The following GULP1 variants were observed in gnomAD, a reference collection of about 807,000 sequenced individuals.
GULP1 encodes the protein GULP PTB domain containing engulfment adaptor 1, also known as PTB domain-containing engulfment adapter protein 1.
A neutral mutation model predicts 40.9 loss-of-function variants in GULP1; 19 were observed. The ratio of observed to expected loss-of-function variants is 0.46; its 90% CI spans 0.32 to 0.68. The LOEUF (loss-of-function observed/expected upper bound fraction) is 0.68. Ranked by LOEUF, GULP1 falls within the 30% of genes least tolerant of loss-of-function variation. GULP1 has a pLI of 0.03. For synonymous variants in GULP1, 119 were observed against 117.6 expected (o/e 1.01, Z -0.08); for missense variants, 312 against 362.2 (o/e 0.86, Z 1.12).
chr2:188,519,765 C>T (rs1259825313), intron 4 of GULP1, among the ~76,000 whole-genome samples: 1 of 152,114 alleles, frequency 6.6e-6, no homozygotes, highest in Non-Finnish European at 1.5e-5. Flanking sequence ...TCAAATCAGA[C>T]TTGCAGGCAA....
At chr2:188,507,396 C>CTTTTTT (rs5837091) in intron 4 of GULP1, among the ~76,000 whole-genome samples, 92 of 103,408 alleles carry the variant, frequency 8.9e-4, no homozygotes, top group South Asian at 9.6e-4. Context: ...CATTTGTTTT[C>CTTTTTT]TTTTTTTTTT....
At chr2:188,572,443 A>G (rs1362398217) in intron 9 of GULP1, among the ~76,000 whole-genome samples, 1 of 152,180 alleles carries the variant, frequency 6.6e-6, no homozygotes, top group Middle Eastern at 3.2e-3. Context: ...TACAACTAAG[A>G]GGTTGAATTT....
Position 188,292,807 on chromosome 2 carries a change from G to C in GULP1, c.-172+641G>C, listed in dbSNP as rs2034068618. 6.6e-6 allele frequency: 1 copy of C among 152,540 alleles called. No homozygotes were observed. Among genetic ancestry groups the C allele is most frequent in the Admixed American group, 6.5e-5 (1 of 15,270 alleles). 9.4% of individuals were successfully genotyped at this position (152,540 alleles called of 1,614,324 possible). ...GCGGCGTCCACATGGTTACCCTTCT[G>C]CTGCGCGGGTCAAGTAGCTTCTTCT... On this transcript the variant is annotated intron_variant, in intron 1 of 11. Transcript: ENST00000409830. The surrounding 1 kb of genome is among the most constrained non-coding windows in gnomAD (Gnocchi z 4.0).
At position 188,320,789 on chromosome 2, in the gene GULP1, T is replaced by C. The variant is rs995123151; in HGVS notation, c.-172+28623T>C. Among the ~76,000 whole-genome samples the C allele has an allele frequency of 8.6e-5, 13 of 150,816 alleles. No homozygotes were observed. In the South Asian group the frequency reaches 2.1e-3, roughly 24 times the overall value. On this transcript the variant is annotated intron_variant, in intron 1 of 11. Transcript: ENST00000409830. The stretch of plus-strand genomic sequence containing the variant: ...AATAACATAAACTAAAATTTTAAGA[T>C]TTTACCTAAAATTTGCAAAACTCAG...
chr2:188,527,851 A>G (rs1220213239), intron 5 of GULP1, among the ~76,000 whole-genome samples: 1 of 152,180 alleles, frequency 6.6e-6, no homozygotes, highest in Non-Finnish European at 1.5e-5. Context: ...ACGGAGCTAT[A>G]CCATGTGTAT....
At chr2:188,347,498 C>T (rs541307358) in intron 1 of GULP1, among the ~76,000 whole-genome samples, 24 of 151,928 alleles carry the variant, frequency 1.6e-4, no homozygotes, top group Non-Finnish European at 3.1e-4. Flanking sequence ...AAATGTTCTT[C>T]AAAAAGTCCA....
intron 2 of GULP1, among the ~76,000 whole-genome samples, chr2:188,445,602 T>C (rs917588105): frequency 1.8e-4 from 28 of 152,332 alleles, no homozygotes; most frequent in African/African-American, 6.7e-4. Context: ...TCTCCAGGTC[T>C]GTCATGATAC....
chr2:188,393,512 A>AT (rs1004011630), intron 2 of GULP1, among the ~76,000 whole-genome samples: 4 of 151,880 alleles, frequency 2.6e-5, no homozygotes, highest in African/African-American at 9.7e-5. Flanking sequence ...TTGGTTTGTG[A>AT]TTTTTTATTC....
intron 1 of GULP1, among the ~76,000 whole-genome samples, chr2:188,346,203 G>GCTTA (rs2043618879): frequency 6.6e-6 from 1 of 152,130 alleles, no homozygotes; most frequent in South Asian, 2.1e-4. Context: ...AGATGATATG[G>GCTTA]CTTAACCCAG....
At chr2:188,559,000 A>G (rs925001156) in intron 7 of GULP1, among the ~76,000 whole-genome samples, 2 of 152,206 alleles carry the variant, frequency 1.3e-5, no homozygotes, top group Non-Finnish European at 2.9e-5. Context: ...AATGTGATAG[A>G]AAAGAAAAAC....
At chr2:188,480,073 T>C (rs2061329703) in intron 3 of GULP1, among the ~76,000 whole-genome samples, 1 of 152,138 alleles carries the variant, frequency 6.6e-6, no homozygotes, top group Admixed American at 6.6e-5. Context: ...ATCCTGACTC[T>C]ATCATTTGGT....
At chr2:188,323,099 A>T (rs2040235351) in intron 1 of GULP1, among the ~76,000 whole-genome samples, 1 of 151,992 alleles carries the variant, frequency 6.6e-6, no homozygotes, top group Admixed American at 6.6e-5. Context: ...CTAAAAACCA[A>T]TATAAATTTA....
chr2:188,411,281 A>G (rs202157596), intron 2 of GULP1, among the ~76,000 whole-genome samples: 4 of 151,884 alleles, frequency 2.6e-5, no homozygotes, highest in Non-Finnish European at 5.9e-5. Flanking sequence ...GGTCCAGTAA[A>G]AACCTGTCAC....
intron 1 of GULP1, among the ~76,000 whole-genome samples, chr2:188,298,162 T>G (rs905419195): frequency 6.6e-6 from 1 of 152,086 alleles, no homozygotes. Context: ...ATAAAGGACT[T>G]TGGTTGATGA....
chr2:188,495,288 C>G (rs1158570229), intron 4 of GULP1, among the ~76,000 whole-genome samples: 1 of 152,048 alleles, frequency 6.6e-6, no homozygotes, highest in African/African-American at 2.4e-5. Flanking sequence ...CTAGACTATA[C>G]CTACATATAT....
chr2:188,451,078 T>C (rs892252689), intron 2 of GULP1, among the ~76,000 whole-genome samples: 3 of 152,228 alleles, frequency 2.0e-5, no homozygotes, highest in African/African-American at 7.2e-5. Context: ...ACCATTGGTA[T>C]CTAAATTAAC....
At position 188,584,399 on chromosome 2, in the gene GULP1, G is replaced by C; in HGVS notation, c.744G>C (p.Glu248Asp). The C allele has an allele frequency of 2.5e-6, 4 of 1,569,074 alleles. No homozygotes were observed. The highest frequency in any genetic ancestry group is 1.7e-4 in the Middle Eastern group (1 of 5,916). ...CTCCAGTACCTAGTAGATCTACTGA[G>C]ATTAGTAAGCTTTCTCAACAAATCA... ...QPPPVPSRST[E>D]IKRDLFGAEP... is the part of the protein sequence containing the mutation. Residue 248 changes from glutamate (E) to aspartate (D), a missense_variant, in exon 10 of 12, where the codon GAG becomes GAC. By Grantham distance (45) the Glu-to-Asp change is conservative. Transcript: ENST00000409830.
At chr2:188,448,418 T>C (rs1166931598) in intron 2 of GULP1, among the ~76,000 whole-genome samples, 1 of 152,216 alleles carries the variant, frequency 6.6e-6, no homozygotes, top group African/African-American at 2.4e-5. Flanking sequence ...ATAAATATTT[T>C]ACTTAACAAA....
chr2:188,566,937 GA>G (rs1697856091), intron 7 of GULP1, among the ~76,000 whole-genome samples: 1 of 148,476 alleles, frequency 6.7e-6, no homozygotes, highest in Non-Finnish European at 1.5e-5. Flanking sequence ...TTATTTATAA[GA>G]AAAAAACAAC....
Sources: allele counts gnomAD v4.1 joint callset (sites outside exome capture counted in the v4.1 genomes callset), GRCh38; gene constraint gnomAD v4.1.1; non-coding constraint Gnocchi (gnomAD v3.1); transcripts MANE v1.5; gene names NCBI Gene and HGNC (gene_info 2026-07-23, HGNC 2026-07-21).